The following CCDC7 variants were observed in gnomAD, a reference collection of about 807,000 sequenced individuals.
CCDC7 encodes coiled-coil domain containing 7.
A neutral mutation model predicts 196.9 loss-of-function variants in CCDC7; 183 were observed. The ratio of observed to expected loss-of-function variants is 0.93; its 90% CI spans 0.82 to 1.05. The LOEUF (loss-of-function observed/expected upper bound fraction) is 1.05. CCDC7 is among the 50% of genes least tolerant of loss of function. CCDC7 has a pLI of 0.00. For missense variants in CCDC7, 1,540 were observed against 1,482.2 expected (o/e 1.04, Z -0.64); for synonymous variants, 525 against 484.6 (o/e 1.08, Z -1.10).
At chr10:32,800,658 G>A (rs1167179844) in intron 29 of CCDC7, among the ~76,000 whole-genome samples, 1 of 152,130 alleles carries the variant, frequency 6.6e-6, no homozygotes, top group Non-Finnish European at 1.5e-5. Context: ...GTCTCTTTGG[G>A]GAAAGATGGA....
chr10:32,703,486 A>G (rs1466950754), intron 24 of CCDC7, among the ~76,000 whole-genome samples: 1 of 151,902 alleles, frequency 6.6e-6, no homozygotes, highest in East Asian at 1.9e-4. Flanking sequence ...TCTGACAATT[A>G]TGAGTCTTGG....
intron 18 of CCDC7, among the ~76,000 whole-genome samples, chr10:32,631,460 T>G (rs1191302904): frequency 6.6e-6 from 1 of 152,180 alleles, no homozygotes; most frequent in African/African-American, 2.4e-5. Context: ...TGCTTGGCCA[T>G]AAATGTAAGG....
intron 8 of CCDC7, among the ~76,000 whole-genome samples, chr10:32,486,006 A>C (rs963607038): frequency 2.6e-5 from 4 of 152,188 alleles, no homozygotes; most frequent in Admixed American, 2.6e-4. Flanking sequence ...GTAGATGTCT[A>C]TTAGGTCCAC....
chr10:32,572,888 T>C (rs907255667), intron 16 of CCDC7, among the ~76,000 whole-genome samples: 9 of 142,680 alleles, frequency 6.3e-5, no homozygotes, highest in Admixed American at 1.4e-4. Flanking sequence ...TTTTTTTTTT[T>C]TTCTTCAGAT....
chr10:32,835,722 A>T (rs1480288172), intron 33 of CCDC7, among the ~76,000 whole-genome samples: 2 of 152,104 alleles, frequency 1.3e-5, no homozygotes, highest in African/African-American at 4.8e-5. Context: ...CAGGAAAAAT[A>T]ACTAATGGGT....
In CCDC7 at chr10:32,605,009, G is replaced by C. The variant is rs548049592; in HGVS notation, c.1801+20705G>C. On this transcript the variant is annotated intron_variant, in intron 18 of 41. Transcript: ENST00000639629. Reference sequence around the variant, plus strand: ...ACTGTAATCCCCAGTTTTGGAGATGGGGTCTGGTAGGATGTGTTAGAGTTG... The same window carrying C: ...ACTGTAATCCCCAGTTTTGGAGATGCGGTCTGGTAGGATGTGTTAGAGTTG... Among the ~76,000 whole-genome samples the C allele has an allele frequency of 4.2e-4, 64 of 152,194 alleles. No individual in the cohort carries two copies. In the South Asian group the frequency reaches 0.013, roughly 30 times the overall value.
At chr10:32,472,385 CAT>C in intron 6 of CCDC7, 94 bp from the exon 8 acceptor site, 1 of 1,108,740 alleles carries the variant, frequency 9.0e-7, no homozygotes. Context: ...CTACAAACTT[CAT>C]ATGTCTGGAC....
At chr10:32,652,116 A>G (rs1365166291) in intron 20 of CCDC7, among the ~76,000 whole-genome samples, 1 of 152,128 alleles carries the variant, frequency 6.6e-6, no homozygotes, top group East Asian at 1.9e-4. Context: ...ACATATATTT[A>G]TAATTGTTAC....
At chr10:32,569,383 C>T (rs982422893) in intron 15 of CCDC7, among the ~76,000 whole-genome samples, 2 of 152,130 alleles carry the variant, frequency 1.3e-5, no homozygotes, top group African/African-American at 2.4e-5. Context: ...TATAGCAAAT[C>T]TATTTGATGC....
chr10:32,693,569 C>T (rs1484662314), intron 23 of CCDC7, among the ~76,000 whole-genome samples: 2 of 152,074 alleles, frequency 1.3e-5, no homozygotes, highest in African/African-American at 4.8e-5. Flanking sequence ...ACATTATTTA[C>T]CATATGTACT....
chr10:32,747,333 A>G, intron 28 of CCDC7, among the ~76,000 whole-genome samples: 1 of 152,224 alleles, frequency 6.6e-6, no homozygotes, highest in Non-Finnish European at 1.5e-5. Flanking sequence ...AAAGACCCCA[A>G]AAGCATTGCA....
At chr10:32,583,128 G>C (rs1431512560) in exon 17 of CCDC7, 1 of 1,231,438 alleles carries the variant, frequency 8.1e-7, no homozygotes, top group African/African-American at 1.6e-5. Flanking sequence ...TTCAAATGAA[G>C]TTTCAGTTGC....
chr10:32,834,941 T>A (rs763782889), intron 33 of CCDC7, 43 bp downstream of exon 34: 2 of 820,192 alleles, frequency 2.4e-6, no homozygotes, highest in Non-Finnish European at 4.0e-6. Context: ...ATGGCTTATT[T>A]AGCTCTGAAG....
chr10:32,726,942 C>G (rs1312022521), intron 26 of CCDC7, 110 bp downstream of exon 27: 4 of 658,470 alleles, frequency 6.1e-6, no homozygotes, highest in African/African-American at 5.6e-5. Flanking sequence ...TTATGGAAAT[C>G]GTAGACTTTG....
intron 41 of CCDC7, among the ~76,000 whole-genome samples, chr10:32,871,911 T>G (rs890413142): frequency 1.3e-5 from 2 of 152,218 alleles, no homozygotes; most frequent in Admixed American, 1.3e-4. Flanking sequence ...TTGAGCGGTT[T>G]TGAGTGAGTT....
intron 33 of CCDC7, among the ~76,000 whole-genome samples, chr10:32,837,010 A>C (rs956431284): frequency 9.2e-5 from 14 of 152,172 alleles, no homozygotes; most frequent in Non-Finnish European, 1.8e-4. Flanking sequence ...GGACATAGGC[A>C]TGGGTAAGGA....
At chr10:32,676,857 A>G (rs550601517) in intron 21 of CCDC7, among the ~76,000 whole-genome samples, 2 of 152,226 alleles carry the variant, frequency 1.3e-5, no homozygotes, top group Non-Finnish European at 2.9e-5. Context: ...TGACCTAGCC[A>G]TCCCATTACT....
chr10:32,684,609 G>T lies in CCDC7; in HGVS notation c.2123-1361G>T, dbSNP rs530715380. On this transcript the variant is annotated intron_variant, in intron 21 of 41. Transcript: ENST00000639629. ...GCCTCCTGGATGATCCAGTTGAAGA[G>T]CCACTTGCCACTTATAAATTTGTAA... Among the ~76,000 whole-genome samples the T allele has an allele frequency of 2.0e-4, 31 of 152,302 alleles. 1 individual carries two copies. In the South Asian group the frequency reaches 6.4e-3, roughly 32 times the overall value.
intron 18 of CCDC7, among the ~76,000 whole-genome samples, chr10:32,630,204 C>T (rs1251839801): frequency 1.3e-5 from 2 of 152,036 alleles, no homozygotes; most frequent in Non-Finnish European, 2.9e-5. Context: ...ATCCTCTGAT[C>T]CCCCTGTCCC....
Sources: gnomAD v4.1 joint callset for allele counts (sites outside exome capture counted in the v4.1 genomes callset) on GRCh38, gnomAD v4.1.1 for gene constraint, MANE v1.5 for transcripts, NCBI Gene and HGNC (gene_info 2026-07-23, HGNC 2026-07-21) for gene names.